ZNF385D: variants seen among roughly 807,000 people sequenced by gnomAD.
ZNF385D encodes zinc finger protein 385D, also known as zinc finger protein 659.
Under a neutral mutation model 35.8 loss-of-function variants are expected in ZNF385D, and 15 were observed. The observed-to-expected ratio is 0.42, with a 90% CI of 0.28 to 0.64. The LOEUF (loss-of-function observed/expected upper bound fraction) is 0.64, where lower values mean the gene tolerates loss of function less well. Among genes scored for constraint, ZNF385D ranks in the 30% least tolerant of loss-of-function variants. The probability of loss-of-function intolerance (pLI) is 0.23; values close to 1 mark genes in which losing one functional copy is unlikely to be tolerated. For missense variants in ZNF385D, 474 were observed against 494.6 expected (o/e 0.96, Z 0.39); for synonymous variants, 212 against 186.8 (o/e 1.13, Z -1.10).
At chr3:21,589,423 A>G (rs1233865117) in intron 2 of ZNF385D, among the ~76,000 whole-genome samples, 2 of 152,228 alleles carry the variant, frequency 1.3e-5, no homozygotes, top group Non-Finnish European at 2.9e-5. Flanking sequence ...ACCCTATACA[A>G]AAATTTCTAG....
chr3:21,545,879 C>G (rs1335682771), intron 3 of ZNF385D, among the ~76,000 whole-genome samples: 1 of 152,170 alleles, frequency 6.6e-6, no homozygotes, highest in Non-Finnish European at 1.5e-5. Context: ...TCACCCAGCT[C>G]ACAGGTTTTT....
At chr3:21,900,002 T>C (rs1196390894) in intron 3 of ZNF385D, among the ~76,000 whole-genome samples, 1 of 152,120 alleles carries the variant, frequency 6.6e-6, no homozygotes, top group Non-Finnish European at 1.5e-5. Context: ...GTTGGGCAGG[T>C]GGCAAGACAT....
intron 2 of ZNF385D, among the ~76,000 whole-genome samples, chr3:22,194,448 T>C (rs1696267860): frequency 6.6e-6 from 1 of 151,928 alleles, no homozygotes; most frequent in South Asian, 2.1e-4. Context: ...TAACCAATTA[T>C]ACAGAGAAGA....
intron 3 of ZNF385D, among the ~76,000 whole-genome samples, chr3:21,803,306 A>C (rs1393654942): frequency 6.6e-6 from 1 of 152,198 alleles, no homozygotes; most frequent in Admixed American, 6.5e-5. Context: ...GGGTGGAATG[A>C]CAAGAGTGTT....
chr3:22,098,221 T>C (rs923724602), intron 3 of ZNF385D, among the ~76,000 whole-genome samples: 2 of 152,068 alleles, frequency 1.3e-5, no homozygotes, highest in East Asian at 3.9e-4. Context: ...CCTTGCATCA[T>C]GGACAAAAAT....
intron 3 of ZNF385D, among the ~76,000 whole-genome samples, chr3:21,547,239 CAGG>C (rs897665687): frequency 3.3e-5 from 5 of 152,122 alleles, no homozygotes; most frequent in Admixed American, 3.3e-4. Context: ...GGATTGGGCT[CAGG>C]AGAAGGGAAC....
At chr3:21,820,075 T>G (rs965629958) in intron 3 of ZNF385D, among the ~76,000 whole-genome samples, 4 of 151,440 alleles carry the variant, frequency 2.6e-5, no homozygotes, top group African/African-American at 9.7e-5. Flanking sequence ...GTGAATAAAA[T>G]ATTGAATATA....
At chr3:21,764,343 C>G (rs1373640313) in intron 3 of ZNF385D, among the ~76,000 whole-genome samples, 1 of 152,096 alleles carries the variant, frequency 6.6e-6, no homozygotes, top group Non-Finnish European at 1.5e-5. Flanking sequence ...TGAAAAACCA[C>G]AAAGGATTTT....
intron 3 of ZNF385D, among the ~76,000 whole-genome samples, chr3:22,105,837 G>A (rs1209435622): frequency 6.6e-6 from 1 of 152,064 alleles, no homozygotes; most frequent in African/African-American, 2.4e-5. Context: ...TGTTTAACTG[G>A]CTGGGCATCC....
intron 2 of ZNF385D, among the ~76,000 whole-genome samples, chr3:22,186,888 A>T (rs1165510687): frequency 2.0e-5 from 3 of 152,188 alleles, no homozygotes; most frequent in Admixed American, 6.6e-5. Flanking sequence ...AAATGATTAT[A>T]AACACTTAAA....
intron 3 of ZNF385D, among the ~76,000 whole-genome samples, chr3:22,029,559 G>A (rs1697792289): frequency 6.6e-6 from 1 of 152,136 alleles, no homozygotes; most frequent in African/African-American, 2.4e-5. Flanking sequence ...ATGGAAACGA[G>A]GACTGTTATC....
Position 21,814,112 on chromosome 3 carries a change from G to A in ZNF385D, c.326-149084C>T, listed in dbSNP as rs553467038. On this transcript the variant is annotated intron_variant, in intron 3 of 5. Transcript: ENST00000494108. The stretch of plus-strand genomic sequence containing the variant: ...TCCAGCCAAACTAAGCTTCATAAGT[G>A]AAGGAGAAATAAAATCCTTTACAGA... Among the ~76,000 whole-genome samples, 5 of 152,270 alleles carry A rather than the reference G, an allele frequency of 3.3e-5. No individual in the cohort carries two copies. In the South Asian group the frequency reaches 8.3e-4, roughly 25 times the overall value.
At chr3:21,888,023 A>G (rs17009958) in intron 3 of ZNF385D, among the ~76,000 whole-genome samples, 8,511 of 152,240 alleles carry the variant, frequency 0.056, 399 homozygotes, top group South Asian at 0.2. Flanking sequence ...AAGTGATTAA[A>G]TGATTAAGAA....
intron 3 of ZNF385D, among the ~76,000 whole-genome samples, chr3:21,999,782 A>AT (rs199748617): frequency 0.27 from 40,573 of 149,202 alleles, 6,908 homozygotes; most frequent in African/African-American, 0.48. Context: ...AAAAAAAAAA[A>AT]AATAATAATA....
intron 2 of ZNF385D, among the ~76,000 whole-genome samples, chr3:22,330,384 T>A (rs559733889): frequency 6.6e-6 from 1 of 152,192 alleles, no homozygotes; most frequent in East Asian, 1.9e-4. Flanking sequence ...AAGGTAAAAA[T>A]TATTCAAGTA....
intron 2 of ZNF385D, among the ~76,000 whole-genome samples, chr3:21,611,189 C>T (rs2064666139): frequency 6.6e-6 from 1 of 152,154 alleles, no homozygotes; most frequent in Admixed American, 6.5e-5. Flanking sequence ...AGGTCCTGCC[C>T]ATGTTGAACA....
intron 3 of ZNF385D, among the ~76,000 whole-genome samples, chr3:21,939,430 A>G (rs955170167): frequency 2.0e-5 from 3 of 152,168 alleles, no homozygotes; most frequent in African/African-American, 7.2e-5. Context: ...ACTTTTTACC[A>G]TAGAACTCAG....
At chr3:21,815,400 T>G (rs955445443) in intron 3 of ZNF385D, among the ~76,000 whole-genome samples, 11 of 152,108 alleles carry the variant, frequency 7.2e-5, no homozygotes, top group Non-Finnish European at 1.3e-4. Flanking sequence ...CAAGGAGCTG[T>G]TTTTTGAAAA....
At chr3:22,240,381 C>A (rs1336732213) in intron 2 of ZNF385D, among the ~76,000 whole-genome samples, 1 of 150,886 alleles carries the variant, frequency 6.6e-6, no homozygotes, top group African/African-American at 2.5e-5. Context: ...AGGTATCTCC[C>A]TCTCACTATC....
Sources: gnomAD v4.1 joint callset for allele counts (sites outside exome capture counted in the v4.1 genomes callset) on GRCh38, gnomAD v4.1.1 for gene constraint, MANE v1.5 for transcripts, NCBI Gene and HGNC (gene_info 2026-07-23, HGNC 2026-07-21) for gene names.